Variants in EYS observed in about 807,000 individuals in gnomAD.
EYS encodes the protein EGF-like photoreceptor maintenance factor, also known as protein eyes shut homolog.
In EYS, 250 loss-of-function variants were observed where a neutral mutation model predicts 282.1. The observed-to-expected ratio is 0.89, with a 90% confidence interval of 0.80 to 0.98. The LOEUF (loss-of-function observed/expected upper bound fraction) is 0.98, where lower values mean the gene tolerates loss of function less well. Ranked by LOEUF, EYS falls within the 50% of genes least tolerant of loss-of-function variation. EYS has a pLI of 0.00. For missense variants in EYS, 4,016 were observed against 3,709.0 expected (o/e 1.08, Z -2.15); for synonymous variants, 1,355 against 1,282.9 (o/e 1.06, Z -1.20).
chr6:65,655,802 T>G (rs1474263430), intron 1 of EYS, among the ~76,000 whole-genome samples: 1 of 151,824 alleles, frequency 6.6e-6, no homozygotes, highest in Non-Finnish European at 1.5e-5. Context: ...TTTCTTGAGA[T>G]GTAATCTATT....
At chr6:63,964,209 A>C (rs574471707) in intron 35 of EYS, among the ~76,000 whole-genome samples, 1 of 152,196 alleles carries the variant, frequency 6.6e-6, no homozygotes, top group African/African-American at 2.4e-5. Context: ...ATCAGAATAA[A>C]CAAACCTAGA....
intron 2 of EYS, among the ~76,000 whole-genome samples, chr6:65,580,992 T>C (rs1050078629): frequency 1.3e-5 from 2 of 152,140 alleles, no homozygotes; most frequent in Non-Finnish European, 2.9e-5. Flanking sequence ...TTTTAATCTA[T>C]TCAATTGCAA....
chr6:64,778,661 T>C (rs1290805711), intron 22 of EYS, among the ~76,000 whole-genome samples: 1 of 152,106 alleles, frequency 6.6e-6, no homozygotes, highest in South Asian at 2.1e-4. Flanking sequence ...AATGAACTGG[T>C]ATTCAAAATA....
At chr6:63,906,973 G>T (rs1467429679) in intron 35 of EYS, among the ~76,000 whole-genome samples, 2 of 152,034 alleles carry the variant, frequency 1.3e-5, no homozygotes, top group African/African-American at 4.8e-5. Context: ...CACTGGTCTA[G>T]CTCTTTAAAG....
intron 26 of EYS, among the ~76,000 whole-genome samples, chr6:64,540,192 C>T (rs2149798475): frequency 6.6e-6 from 1 of 152,286 alleles, no homozygotes; most frequent in East Asian, 1.9e-4. Flanking sequence ...GGGAGAATTT[C>T]TATTGCAACC....
chr6:64,085,340 G>GCACACACACA (rs71551560), intron 31 of EYS, among the ~76,000 whole-genome samples: 38 of 139,870 alleles, frequency 2.7e-4, no homozygotes, highest in African/African-American at 7.3e-4. Context: ...ACGTGCGCGC[G>GCACACACACA]CACACACACA....
intron 35 of EYS, among the ~76,000 whole-genome samples, chr6:63,888,363 G>T (rs1475887439): frequency 6.6e-6 from 1 of 152,234 alleles, no homozygotes; most frequent in Non-Finnish European, 1.5e-5. Flanking sequence ...CCCAGCAGGG[G>T]TTGACACACA....
intron 26 of EYS, among the ~76,000 whole-genome samples, chr6:64,523,657 A>G (rs1367860113): frequency 6.6e-6 from 1 of 151,706 alleles, no homozygotes; most frequent in Non-Finnish European, 1.5e-5. Context: ...TTCTTGAGAG[A>G]GGAATGGGTG....
At chr6:65,568,964 T>C (rs1221378510) in intron 2 of EYS, among the ~76,000 whole-genome samples, 1 of 152,178 alleles carries the variant, frequency 6.6e-6, no homozygotes, top group Non-Finnish European at 1.5e-5. Context: ...TAGGCCAAAC[T>C]AACTTTGTGA....
chr6:64,997,705 T>C lies in EYS; in HGVS notation c.2138-2A>G, dbSNP rs769386722. 6 of 1,550,584 alleles carry C rather than the reference T, an allele frequency of 3.9e-6. No individual in the cohort carries two copies. Among genetic ancestry groups the C allele is most frequent in the South Asian group, 2.4e-5 (2 of 83,962 alleles). ...ATAAGCAGGAAAAGCCATCAACCAC[T>C]GGAAACAACAGAAAAGAGAAAACTC... On this transcript the variant is annotated splice_acceptor_variant, in intron 13 of 42. Coordinates refer to ENST00000503581, the MANE Select transcript of EYS (RefSeq NM_001142800.2). LOFTEE classifies it high-confidence loss of function.
chr6:63,740,200 G>T (rs1213437629), intron 41 of EYS, among the ~76,000 whole-genome samples: 2 of 152,152 alleles, frequency 1.3e-5, no homozygotes, highest in Non-Finnish European at 2.9e-5. Context: ...AATTCCACAT[G>T]TTATGGGAGG....
At chr6:63,969,751 T>A (rs1294123033) in intron 35 of EYS, among the ~76,000 whole-genome samples, 1 of 152,212 alleles carries the variant, frequency 6.6e-6, no homozygotes, top group Admixed American at 6.5e-5. Context: ...ACAGGACCAG[T>A]CACATAATAT....
chr6:65,255,986 T>G (rs1359961542), intron 12 of EYS, among the ~76,000 whole-genome samples: 1 of 151,986 alleles, frequency 6.6e-6, no homozygotes. Flanking sequence ...GATCCAGCAA[T>G]CCTGTGCTGG....
At chr6:64,114,520 A>C (rs1773312142) in intron 31 of EYS, among the ~76,000 whole-genome samples, 1 of 152,128 alleles carries the variant, frequency 6.6e-6, no homozygotes, top group South Asian at 2.1e-4. Flanking sequence ...AAAAACACTA[A>C]ATAATCGCAT....
At chr6:64,298,049 G>GA (rs1769101172) in intron 30 of EYS, among the ~76,000 whole-genome samples, 1 of 151,120 alleles carries the variant, frequency 6.6e-6, no homozygotes, top group Non-Finnish European at 1.5e-5. Flanking sequence ...AAGAAAGATT[G>GA]TTAACACTGG....
intron 22 of EYS, among the ~76,000 whole-genome samples, chr6:64,790,106 AAACT>A (rs1386186377): frequency 1.3e-5 from 2 of 152,012 alleles, no homozygotes; most frequent in Non-Finnish European, 2.9e-5. Flanking sequence ...TTGCTGGAAG[AAACT>A]AACAGGAATC....
Position 65,398,991 on chromosome 6 carries a change from T to G in EYS, c.1184+3487A>C, listed in dbSNP as rs144931427. 4.1e-3 allele frequency among the ~76,000 whole-genome samples: 623 copies of G among 152,220 alleles called. 5 individuals carry two copies. The highest frequency in any genetic ancestry group is 0.014 in the African/African-American group (590 of 41,548). On this transcript the variant is annotated intron_variant, in intron 7 of 42. Transcript: ENST00000503581. The stretch of plus-strand genomic sequence containing the variant: ...AATCCTTCAGCAAAAGATTGAACTA[T>G]TCTTAGAAATATATTCCAGATCTGA...
chr6:64,373,595 C>T (rs139703806), intron 29 of EYS, among the ~76,000 whole-genome samples: 5 of 152,132 alleles, frequency 3.3e-5, no homozygotes, highest in East Asian at 2.0e-4. Flanking sequence ...CCCTGCCATC[C>T]GGGTGTTTCC....
chr6:65,227,242 A>G (rs1766651688), intron 12 of EYS, among the ~76,000 whole-genome samples: 1 of 152,136 alleles, frequency 6.6e-6, no homozygotes, highest in Admixed American at 6.6e-5. Flanking sequence ...TTTCTGAATT[A>G]TTCCACAATA....
Sources: gnomAD v4.1 joint callset for allele counts (sites outside exome capture counted in the v4.1 genomes callset) on GRCh38, gnomAD v4.1.1 for gene constraint, MANE v1.5 for transcripts, NCBI Gene and HGNC (gene_info 2026-07-23, HGNC 2026-07-21) for gene names.